The following LRRFIP1 variants were observed in gnomAD, a reference collection of about 807,000 sequenced individuals.
LRRFIP1 encodes leucine-rich repeat flightless-interacting protein 1.
A neutral mutation model predicts 104.4 loss-of-function variants in LRRFIP1; 62 were observed. That is an observed-to-expected ratio of 0.59 (90% CI 0.48 to 0.73). LRRFIP1 has a LOEUF of 0.73. Among genes scored for constraint, LRRFIP1 ranks in the 30% least tolerant of loss-of-function variants. The pLI is 0.00. For synonymous variants in LRRFIP1, 300 were observed against 299.0 expected (o/e 1.00, Z -0.03); for missense variants, 796 against 824.5 (o/e 0.97, Z 0.42).
chr2:237,666,753 TTC>T (rs1233195311), intron 1 of LRRFIP1, among the ~76,000 whole-genome samples: 41 of 145,996 alleles, frequency 2.8e-4, no homozygotes, highest in African/African-American at 1.0e-3. Context: ...CTTTCATTCT[TTC>T]TCTTTCTTTC....
rs1267984915 is a variant in LRRFIP1, at chr2:237,691,186, CCTGGCGTG to C, written c.97-17357_97-17350del. 6.6e-6 allele frequency among the ~76,000 whole-genome samples: 1 copy of C among 152,182 alleles called. No individual in the cohort carries two copies. The highest frequency in any genetic ancestry group is 1.5e-5 in the Non-Finnish European group (1 of 68,026). On this transcript the variant is annotated intron_variant, in intron 1 of 23. Transcript: ENST00000308482. This position sits in a 1 kb window ranked among gnomAD's most constrained non-coding sequence, Gnocchi z 5.4. ...TAAATGTGCTTTAAATTTTACATTT[CCTGGCGTG>C]GCCAGGACAGGCTGACCTTCCGATT... is the stretch of plus-strand genomic sequence containing the variant.
intron 1 of LRRFIP1, among the ~76,000 whole-genome samples, chr2:237,653,428 T>C (rs1002588804): frequency 2.6e-5 from 4 of 152,212 alleles, no homozygotes; most frequent in African/African-American, 9.6e-5. Context: ...AAAATGCCCA[T>C]GCTACCCAAA....
At chr2:237,758,668 T>C (rs7566942) in intron 17 of LRRFIP1, 61 bp from the exon 18 acceptor site, 66,804 of 1,172,556 alleles carry the variant, frequency 0.057, 3,141 homozygotes, top group African/African-American at 0.23. Context: ...TTCCTGCTTC[T>C]GAAGTAACTT....
At chr2:237,774,188 A>G in intron 22 of LRRFIP1, 170 bp from the exon 23 acceptor site, 1 of 592,216 alleles carries the variant, frequency 1.7e-6, no homozygotes, top group Non-Finnish European at 3.0e-6. Context: ...ATAGTAACCA[A>G]GAATAGCTTG....
rs1559553607 is a variant in LRRFIP1, at chr2:237,691,327, G to A, written c.97-17217G>A. Among the ~76,000 whole-genome samples the A allele has an allele frequency of 6.6e-6, 1 of 152,226 alleles. No homozygotes were observed. The highest frequency in any genetic ancestry group is 1.5e-5 in the Non-Finnish European group (1 of 68,038). ...CGAGGGCGCCCTGTGCCTGGAGGTGGCGCGGGCTGGAGCCCTCCCGGAGGA... is the reference window on the plus strand; with the variant it reads ...CGAGGGCGCCCTGTGCCTGGAGGTGACGCGGGCTGGAGCCCTCCCGGAGGA... On this transcript the variant is annotated intron_variant, in intron 1 of 23. Transcript: ENST00000308482. This position sits in a 1 kb window ranked among gnomAD's most constrained non-coding sequence, Gnocchi z 5.4.
chr2:237,760,832 G>A (rs2059780205), intron 19 of LRRFIP1, among the ~76,000 whole-genome samples: 1 of 152,140 alleles, frequency 6.6e-6, no homozygotes, highest in Admixed American at 6.5e-5. Flanking sequence ...TCCTTTGTAT[G>A]CCACGTGTTT....
intron 6 of LRRFIP1, among the ~76,000 whole-genome samples, chr2:237,723,041 C>T (rs533865950): frequency 7.7e-4 from 117 of 152,172 alleles, no homozygotes; most frequent in Non-Finnish European, 9.6e-4. Context: ...AAAACACAGG[C>T]CTTCTTCATT....
rs989981462 is a variant in LRRFIP1, at chr2:237,720,930, A to C, written c.345+108A>C. On this transcript the variant is annotated intron_variant, in intron 6 of 23. Transcript: ENST00000308482. ...TTCTTCATTATCCCCGTGGTCTGAT[A>C]GTCAATATTTAACCGATGAGATGCT... The C allele has an allele frequency of 1.1e-5, 11 of 962,628 alleles. No individual in the cohort carries two copies. In the Admixed American group the frequency reaches 2.0e-4, roughly 17 times the overall value. 59.6% of individuals were successfully genotyped at this position (962,628 alleles called of 1,614,324 possible).
At chr2:237,736,035 T>C (rs561564324) in intron 10 of LRRFIP1, among the ~76,000 whole-genome samples, 6 of 152,296 alleles carry the variant, frequency 3.9e-5, no homozygotes. Flanking sequence ...CTCCAGGAAA[T>C]AGAAAGGTTT....
chr2:237,688,494 T>C (rs1340438447), intron 1 of LRRFIP1, among the ~76,000 whole-genome samples: 1 of 147,224 alleles, frequency 6.8e-6, no homozygotes, highest in East Asian at 2.0e-4. Context: ...CTCACTCTGT[T>C]GTCCAGGCTA....
intron 1 of LRRFIP1, among the ~76,000 whole-genome samples, chr2:237,660,284 A>G (rs1038182785): frequency 1.3e-5 from 2 of 152,234 alleles, no homozygotes; most frequent in African/African-American, 4.8e-5. Flanking sequence ...TATTCATTAA[A>G]ACTACTCTAG....
At chr2:237,668,016 T>C (rs13406019) in intron 1 of LRRFIP1, among the ~76,000 whole-genome samples, 4,777 of 152,176 alleles carry the variant, frequency 0.031, 251 homozygotes, top group African/African-American at 0.11. Flanking sequence ...GACCCTTCTT[T>C]TGAACTCCAC....
rs1330513892 is a variant in LRRFIP1 at position 237,766,425 on chromosome 2, C to T, written c.1460-3518C>T. On this transcript the variant is annotated intron_variant, in intron 19 of 23. Transcript: ENST00000308482. The surrounding 1 kb of genome is among the most constrained non-coding windows in gnomAD (Gnocchi z 4.8). ...CTATTGGAATGCATACTGGAAACAG[C>T]TCTCATTCCTACCTTTAAAGGGCTC... Among the ~76,000 whole-genome samples the T allele has an allele frequency of 1.3e-5, 2 of 152,172 alleles. No homozygotes were observed. Among genetic ancestry groups the T allele is most frequent in the Non-Finnish European group, 2.9e-5 (2 of 68,030 alleles).
chr2:237,749,244 C>G lies in LRRFIP1; in HGVS notation c.715C>G (p.Leu239Val), dbSNP rs1275569948. Residue 239 changes from leucine (L) to valine (V), a missense_variant, in exon 13 of 24, where the codon CTG becomes GTG. By Grantham distance (32) the Leu-to-Val change is conservative (BLOSUM62 1). Transcript: ENST00000308482. The part of the protein sequence containing the change: ...PGLSAATLAS[L>V]GGTSSRRGSG... ...CCTGTCTGCAGCCACGCTGGCCTCT[C>G]TGGGTGGGACTTCCTCTCGGAGAGG... 1.9e-6 allele frequency: 3 copies of G among 1,614,046 alleles called. No homozygotes were observed. The highest frequency in any genetic ancestry group is 2.5e-6 in the Non-Finnish European group (3 of 1,180,022).
chr2:237,654,554 C>CTTT (rs71402730), intron 1 of LRRFIP1, among the ~76,000 whole-genome samples: 1 of 144,858 alleles, frequency 6.9e-6, no homozygotes, highest in Non-Finnish European at 1.5e-5. Context: ...GAAAATATTC[C>CTTT]TTTTTTTTTT....
intron 8 of LRRFIP1, among the ~76,000 whole-genome samples, chr2:237,733,554 T>C (rs988617051): frequency 6.6e-6 from 1 of 152,322 alleles, no homozygotes; most frequent in African/African-American, 2.4e-5. Flanking sequence ...AGTTTACTGT[T>C]TTAAAGTTAA....
At chr2:237,747,909 T>C (rs3754712) in intron 11 of LRRFIP1, among the ~76,000 whole-genome samples, 19,016 of 151,508 alleles carry the variant, frequency 0.13, 1,543 homozygotes, top group African/African-American at 0.22. Flanking sequence ...CCCCACCCAG[T>C]CCTGCAAACA....
chr2:237,753,103 A>G (rs2058831277), intron 14 of LRRFIP1, among the ~76,000 whole-genome samples: 1 of 152,116 alleles, frequency 6.6e-6, no homozygotes, highest in African/African-American at 2.4e-5. Context: ...TTAATAGTGA[A>G]TTTTCTGAGC....
At chr2:237,647,189 A>G (rs1277304104) in intron 1 of LRRFIP1, among the ~76,000 whole-genome samples, 1 of 151,984 alleles carries the variant, frequency 6.6e-6, no homozygotes, top group East Asian at 1.9e-4. Context: ...ATGCTGTTAC[A>G]AACATTCTGA....
Sources: allele counts gnomAD v4.1 joint callset (sites outside exome capture counted in the v4.1 genomes callset), GRCh38; gene constraint gnomAD v4.1.1; non-coding constraint Gnocchi (gnomAD v3.1); transcripts MANE v1.5; gene names NCBI Gene and HGNC (gene_info 2026-07-23, HGNC 2026-07-21).